The following SNTG1 variants were observed in gnomAD, a reference collection of about 807,000 sequenced individuals.
SNTG1 encodes the protein gamma-1-syntrophin.
Under a neutral mutation model 74.7 loss-of-function variants are expected in SNTG1, and 39 were observed. That is an observed-to-expected ratio of 0.52 (90% CI 0.40 to 0.68). The LOEUF is 0.68. Among genes scored for constraint, SNTG1 ranks in the 30% least tolerant of loss-of-function variants. The pLI is 0.00. For missense variants in SNTG1, 685 were observed against 609.5 expected (o/e 1.12, Z -1.30); for synonymous variants, 254 against 217.1 (o/e 1.17, Z -1.49).
chr8:50,098,082 C>A (rs2079994311), intron 1 of SNTG1, among the ~76,000 whole-genome samples: 2 of 152,114 alleles, frequency 1.3e-5, no homozygotes, highest in South Asian at 4.1e-4. Context: ...GTAGAAATTT[C>A]AGATTAATTA....
intron 1 of SNTG1, among the ~76,000 whole-genome samples, chr8:50,150,604 G>T (rs1047155499): frequency 6.6e-6 from 1 of 152,128 alleles, no homozygotes; most frequent in Non-Finnish European, 1.5e-5. Flanking sequence ...TTAGCATGAA[G>T]GGTTGTTGAA....
At chr8:50,321,928 A>T (rs909082730) in intron 2 of SNTG1, among the ~76,000 whole-genome samples, 9 of 152,012 alleles carry the variant, frequency 5.9e-5, no homozygotes, top group African/African-American at 2.2e-4. Context: ...ATTATTTTTG[A>T]TCAGTTCATC....
At chr8:49,989,406 G>GA (rs1216277473) in intron 1 of SNTG1, among the ~76,000 whole-genome samples, 1 of 151,804 alleles carries the variant, frequency 6.6e-6, no homozygotes, top group Non-Finnish European at 1.5e-5. Context: ...TCAAAAAACA[G>GA]AAAATCTGAA....
At chr8:50,461,837 G>A (rs1167594955) in intron 8 of SNTG1, among the ~76,000 whole-genome samples, 1 of 152,016 alleles carries the variant, frequency 6.6e-6, no homozygotes, top group African/African-American at 2.4e-5. Flanking sequence ...ATTTCCCCTA[G>A]AAGTTCTGCT....
chr8:50,327,365 A>G (rs2090789475), intron 2 of SNTG1, among the ~76,000 whole-genome samples: 1 of 152,172 alleles, frequency 6.6e-6, no homozygotes, highest in Admixed American at 6.5e-5. Context: ...CATACACACT[A>G]AAGACTATTA....
chr8:50,294,656 C>A (rs2089280369), intron 2 of SNTG1, among the ~76,000 whole-genome samples: 1 of 152,270 alleles, frequency 6.6e-6, no homozygotes, highest in Admixed American at 6.5e-5. Flanking sequence ...CATGTTATGG[C>A]AAATCTGCTT....
At chr8:50,702,655 T>C (rs914052577) in intron 15 of SNTG1, among the ~76,000 whole-genome samples, 11 of 152,194 alleles carry the variant, frequency 7.2e-5, no homozygotes, top group African/African-American at 2.7e-4. Context: ...ATATAGCATA[T>C]ATACAGTCAT....
chr8:50,334,187 G>A (rs1048069385), intron 2 of SNTG1, among the ~76,000 whole-genome samples: 10 of 152,132 alleles, frequency 6.6e-5, no homozygotes, highest in Admixed American at 1.3e-4. Flanking sequence ...CTGAGCCACC[G>A]CGCCTGGCCA....
chr8:50,118,818 A>T (rs1236222812), intron 1 of SNTG1, among the ~76,000 whole-genome samples: 1 of 142,804 alleles, frequency 7.0e-6, no homozygotes, highest in East Asian at 2.0e-4. Flanking sequence ...GATTAATATT[A>T]AAACCATGCT....
At chr8:50,585,995 T>C (rs1241600872) in intron 12 of SNTG1, among the ~76,000 whole-genome samples, 1 of 152,174 alleles carries the variant, frequency 6.6e-6, no homozygotes, top group Non-Finnish European at 1.5e-5. Context: ...CCAGTGCCAC[T>C]TATGAGAAAG....
chr8:50,197,848 T>C (rs1376839268), intron 2 of SNTG1, among the ~76,000 whole-genome samples: 1 of 152,144 alleles, frequency 6.6e-6, no homozygotes, highest in Non-Finnish European at 1.5e-5. Flanking sequence ...TTCCCGTTGG[T>C]TTTACTGGCA....
chr8:50,027,664 C>T (rs1817382852), intron 1 of SNTG1, among the ~76,000 whole-genome samples: 1 of 152,160 alleles, frequency 6.6e-6, no homozygotes, highest in Non-Finnish European at 1.5e-5. Flanking sequence ...TGCCTTGATT[C>T]TAGACTTTTA....
intron 1 of SNTG1, among the ~76,000 whole-genome samples, chr8:50,063,247 C>T (rs1236087177): frequency 6.6e-6 from 1 of 152,152 alleles, no homozygotes; most frequent in African/African-American, 2.4e-5. Context: ...AATAACAAAA[C>T]TTCAGAGATG....
At chr8:50,779,799 T>A (rs1385698334) in intron 18 of SNTG1, among the ~76,000 whole-genome samples, 1 of 152,222 alleles carries the variant, frequency 6.6e-6, no homozygotes, top group African/African-American at 2.4e-5. Context: ...AAGGGAATGC[T>A]TCCAGTTTTT....
At chr8:50,042,716 C>T (rs1159345042) in intron 1 of SNTG1, among the ~76,000 whole-genome samples, 1 of 151,850 alleles carries the variant, frequency 6.6e-6, no homozygotes, top group Non-Finnish European at 1.5e-5. Flanking sequence ...GCTGACATGC[C>T]TGGCTAATTG....
At chr8:50,307,057 A>G (rs1343457459) in intron 2 of SNTG1, among the ~76,000 whole-genome samples, 1 of 151,920 alleles carries the variant, frequency 6.6e-6, no homozygotes, top group Non-Finnish European at 1.5e-5. Flanking sequence ...ATAGTTATTC[A>G]TTACTTTTCA....
chr8:50,351,985 A>G (rs2091675279), intron 2 of SNTG1, among the ~76,000 whole-genome samples: 1 of 152,234 alleles, frequency 6.6e-6, no homozygotes, highest in Non-Finnish European at 1.5e-5. Context: ...AAGGAGGAAC[A>G]TATCCTGCCA....
chr8:50,758,066 G>C (rs556770683), intron 18 of SNTG1, among the ~76,000 whole-genome samples: 1 of 151,868 alleles, frequency 6.6e-6, no homozygotes, highest in Non-Finnish European at 1.5e-5. Context: ...TGAATAAACT[G>C]TTATATGTTA....
At chr8:50,010,315 A>C (rs1402069377) in intron 1 of SNTG1, among the ~76,000 whole-genome samples, 4 of 152,160 alleles carry the variant, frequency 2.6e-5, no homozygotes, top group Non-Finnish European at 5.9e-5. Flanking sequence ...GTCTCATTTT[A>C]CAGATTTGGA....
Sources: allele counts gnomAD v4.1 joint callset (sites outside exome capture counted in the v4.1 genomes callset), GRCh38; gene constraint gnomAD v4.1.1; transcripts MANE v1.5; gene names NCBI Gene and HGNC (gene_info 2026-07-23, HGNC 2026-07-21).